FUCA2: variants seen among roughly 807,000 people sequenced by gnomAD.
The protein encoded by FUCA2 is alpha-L-fucosidase 2, also known as plasma alpha-L-fucosidase.
A neutral mutation model predicts 52.6 loss-of-function variants in FUCA2; 41 were observed. The ratio of observed to expected loss-of-function variants is 0.78; its 90% CI spans 0.61 to 1.01. The LOEUF (loss-of-function observed/expected upper bound fraction) is 1.01. Among genes scored for constraint, FUCA2 ranks in the 50% least tolerant of loss-of-function variants. The pLI is 0.00. For missense variants in FUCA2, 507 were observed against 569.5 expected, an observed-to-expected ratio of 0.89 and a Z score of 1.12; for synonymous variants, 211 against 217.3, an observed-to-expected ratio of 0.97 and a Z score of 0.26.
rs550355408 is a variant in FUCA2, at chr6:143,500,516, C to T, written c.1154+1416G>A. ...TGCCATTAACTGAGATGGAGAAGACCGTGGGTGGAGCTAGTCTACAGCAAA... is the reference window on the plus strand; with the variant it reads ...TGCCATTAACTGAGATGGAGAAGACTGTGGGTGGAGCTAGTCTACAGCAAA... On this transcript the variant is annotated intron_variant, in intron 5 of 6. Transcript: ENST00000002165. The surrounding 1 kb of genome is among the most constrained non-coding windows in gnomAD (Gnocchi z 6.9). Among the ~76,000 whole-genome samples, 5 of 152,178 alleles carry T rather than the reference C, an allele frequency of 3.3e-5. No homozygotes were observed. Among genetic ancestry groups the T allele is most frequent in the South Asian group, 2.1e-4 (1 of 4,816 alleles).
chr6:143,495,794 A>T lies in FUCA2; in HGVS notation c.1317T>A (p.Asn439Lys), dbSNP rs899761799. ...QPLNWISLEQ[N>K]GIMVELPQLT... ...GCTGTGGCAGTTCTACCATAATGCC[A>T]TTTTGCTCCAAAGAAATCCAGTTAA... is the stretch of plus-strand genomic sequence containing the variant. The change falls in exon 7 of 7, where the codon AAT becomes AAA. Residue 439 changes from asparagine (N) to lysine (K), a missense_variant. Asn to Lys is a moderately conservative substitution (Grantham distance 94, BLOSUM62 0). Coordinates refer to ENST00000002165, the MANE Select transcript of FUCA2 (RefSeq NM_032020.5). The surrounding 1 kb of genome is among the most constrained non-coding windows in gnomAD (Gnocchi z 5.2). 1 of 1,614,120 alleles carries T rather than the reference A, an allele frequency of 6.2e-7. No individual in the cohort carries two copies. Among genetic ancestry groups the T allele is most frequent in the Admixed American group, 1.7e-5 (1 of 60,018 alleles).
At position 143,502,613 on chromosome 6, in the gene FUCA2, A is replaced by T; in HGVS notation, c.753-48T>A. 2 of 1,457,914 alleles carry T rather than the reference A, an allele frequency of 1.4e-6. No homozygotes were observed. The highest frequency in any genetic ancestry group is 1.9e-6 in the Non-Finnish European group (2 of 1,055,864). The allele number at this position is 1,457,914 out of a possible 1,614,324, so 90.3% of individuals were successfully genotyped here. ...TTAAAACAAAAGGTATAAGCTTTTT[A>T]TACAAAAAGAAATGTCACTGAAAAG... On this transcript the variant is annotated intron_variant, in intron 3 of 6. Coordinates refer to ENST00000002165, the MANE Select transcript of FUCA2 (RefSeq NM_032020.5). The surrounding 1 kb of genome is among the most constrained non-coding windows in gnomAD (Gnocchi z 4.1).
In FUCA2 at chr6:143,497,831, C is replaced by A. The variant is rs1175403932; in HGVS notation, c.1155-334G>T. 1.3e-5 allele frequency among the ~76,000 whole-genome samples: 2 copies of A among 152,136 alleles called. No individual in the cohort carries two copies. The highest frequency in any genetic ancestry group is 2.4e-5 in the African/African-American group (1 of 41,448). ...CATGTATTATTCAAATTTTTATATT[C>A]ATTCATTCATTCAACAAGACAAGAT... On this transcript the variant is annotated intron_variant, in intron 5 of 6. Coordinates refer to ENST00000002165, the MANE Select transcript of FUCA2 (RefSeq NM_032020.5). This position sits in a 1 kb window ranked among gnomAD's most constrained non-coding sequence, Gnocchi z 5.3.
In FUCA2 at chr6:143,507,376, T is replaced by C; in HGVS notation, c.273A>G (p.Lys91=). The change falls in exon 2 of 7, where the codon AAA becomes AAG. Residue 91 remains lysine, a synonymous_variant. Transcript: ENST00000002165. The surrounding 1 kb of genome is among the most constrained non-coding windows in gnomAD (Gnocchi z 4.5). Reference sequence around the variant, plus strand: ...ATTTGAAACTAGGAGGGTAATTATCTTTCATAAATTCCACATACTTCGGTA... The same window carrying C: ...ATTTGAAACTAGGAGGGTAATTATCCTTCATAAATTCCACATACTTCGGTA... ...EKIPKYVEFM[K]DNYPPSFKYE... is the part of the protein sequence containing the mutation. The C allele has an allele frequency of 6.2e-7, 1 of 1,604,522 alleles. No homozygotes were observed. Among genetic ancestry groups the C allele is most frequent in the Admixed American group, 1.8e-5 (1 of 57,066 alleles).
chr6:143,505,175 G>A (rs1238013467), intron 2 of FUCA2: 1 of 151,990 alleles, frequency 6.6e-6, no homozygotes, highest in African/African-American at 2.4e-5. Flanking sequence ...AGTGCCTAGA[G>A]ACTTAAATAC....
At position 143,510,712 on chromosome 6, in the gene FUCA2, C is replaced by T. The variant is rs563713477; in HGVS notation, c.224+699G>A. Among the ~76,000 whole-genome samples, 1 of 151,296 alleles carries T rather than the reference C, an allele frequency of 6.6e-6. No individual in the cohort carries two copies. Among genetic ancestry groups the T allele is most frequent in the Non-Finnish European group, 1.5e-5 (1 of 67,968 alleles). On this transcript the variant is annotated intron_variant, in intron 1 of 6. Transcript: ENST00000002165. The surrounding 1 kb of genome is among the most constrained non-coding windows in gnomAD (Gnocchi z 4.4). ...CACAAAATATTTCTGTTTTGAAGGACTTAATACTTGTAGCATTTAGTCAGA... is the reference window on the plus strand; with the variant it reads ...CACAAAATATTTCTGTTTTGAAGGATTTAATACTTGTAGCATTTAGTCAGA...
chr6:143,503,290 G>C lies in FUCA2; in HGVS notation c.752+623C>G, dbSNP rs1317888145. 6.6e-6 allele frequency: 1 copy of C among 152,536 alleles called. No homozygotes were observed. The highest frequency in any genetic ancestry group is 1.5e-5 in the Non-Finnish European group (1 of 68,332). The allele number at this position is 152,536 out of a possible 1,614,324, so 9.4% of individuals were successfully genotyped here. On this transcript the variant is annotated intron_variant, in intron 3 of 6. Coordinates refer to ENST00000002165, the MANE Select transcript of FUCA2 (RefSeq NM_032020.5). The surrounding 1 kb of genome is among the most constrained non-coding windows in gnomAD (Gnocchi z 4.8). ...AGGAAGTGCAAGCAGAAGGTTGCCT[G>C]ACTTCGTAGCACAATACCCAGTGCT...
At chr6:143,498,157 A>G (rs1780484937) in intron 5 of FUCA2, among the ~76,000 whole-genome samples, 2 of 140,624 alleles carry the variant, frequency 1.4e-5, no homozygotes, top group African/African-American at 2.9e-5. Context: ...AGGTAAGGGA[A>G]GTATGCTGTG....
chr6:143,502,235 C>G lies in FUCA2; in HGVS notation c.964-113G>C, dbSNP rs541253562. ...TATATATAGTCACTGCCTAGAAGAACAAACACAGGATAGAACAATGTCCTA... is the reference window on the plus strand; with the variant it reads ...TATATATAGTCACTGCCTAGAAGAAGAAACACAGGATAGAACAATGTCCTA... On this transcript the variant is annotated intron_variant, in intron 4 of 6. Coordinates refer to ENST00000002165, the MANE Select transcript of FUCA2 (RefSeq NM_032020.5). The surrounding 1 kb of genome is among the most constrained non-coding windows in gnomAD (Gnocchi z 4.1). 7.5e-7 allele frequency: 1 copy of G among 1,338,816 alleles called. No homozygotes were observed. 82.9% of individuals were successfully genotyped at this position (1,338,816 alleles called of 1,614,324 possible).
chr6:143,495,992 TCTTC>T lies in FUCA2; in HGVS notation c.1264-149_1264-146del. The stretch of plus-strand genomic sequence containing the variant: ...CCTTTATTTAGTGATTCACAATCAC[TCTTC>T]ATCCAATTGAGTGTATGTATCTTGC... On this transcript the variant is annotated intron_variant, in intron 6 of 6. Coordinates refer to ENST00000002165, the MANE Select transcript of FUCA2 (RefSeq NM_032020.5). This position sits in a 1 kb window ranked among gnomAD's most constrained non-coding sequence, Gnocchi z 5.2. 2.7e-6 allele frequency: 2 copies of T among 748,602 alleles called. No homozygotes were observed. The highest frequency in any genetic ancestry group is 4.3e-6 in the Non-Finnish European group (2 of 463,296). 46.4% of individuals were successfully genotyped at this position (748,602 alleles called of 1,614,324 possible).
At chr6:143,508,634 C>T (rs1780643308) in intron 1 of FUCA2, among the ~76,000 whole-genome samples, 1 of 152,220 alleles carries the variant, frequency 6.6e-6, no homozygotes, top group African/African-American at 2.4e-5. Context: ...AATGGTTTCC[C>T]TCCTAATGAA....
chr6:143,496,716 A>G (rs1419748714), intron 6 of FUCA2: 1 of 152,250 alleles, frequency 6.6e-6, no homozygotes, highest in Non-Finnish European at 1.5e-5. Context: ...AACATAAAAT[A>G]GTAGAGTCAT....
chr6:143,507,378 T>C lies in FUCA2; in HGVS notation c.271A>G (p.Lys91Glu). ...TTGAAACTAGGAGGGTAATTATCTT[T>C]CATAAATTCCACATACTTCGGTATC... ...EKIPKYVEFMKDNYPPSFKYE... is the reference protein window; with the variant it reads ...EKIPKYVEFMEDNYPPSFKYE... The change falls in exon 2 of 7, where the codon AAA becomes GAA. Residue 91 changes from lysine to glutamate, a missense_variant. Lys to Glu is a moderately conservative substitution (Grantham distance 56). Transcript: ENST00000002165. This position sits in a 1 kb window ranked among gnomAD's most constrained non-coding sequence, Gnocchi z 4.5. The C allele has an allele frequency of 6.2e-7, 1 of 1,604,182 alleles. No homozygotes were observed. Among genetic ancestry groups the C allele is most frequent in the Admixed American group, 1.8e-5 (1 of 56,980 alleles).
At chr6:143,498,503 C>T (rs1051140748) in intron 5 of FUCA2, among the ~76,000 whole-genome samples, 7 of 152,058 alleles carry the variant, frequency 4.6e-5, no homozygotes, top group East Asian at 1.9e-4. Flanking sequence ...AAGAGCACCA[C>T]GGGAGCGTCT....
rs1466821188 is a variant in FUCA2, at chr6:143,507,116, AG to A, written c.412+120del. 2 of 833,032 alleles carry A rather than the reference AG, an allele frequency of 2.4e-6. No homozygotes were observed. Among genetic ancestry groups the A allele is most frequent in the African/African-American group, 3.5e-5 (2 of 56,566 alleles). The allele number at this position is 833,032 out of a possible 1,614,324, so 51.6% of individuals were successfully genotyped here. The stretch of plus-strand genomic sequence containing the variant: ...AGTCCCTAAGTCATAAGCAAGTGCC[AG>A]TCACCACTTATGGTTGCTCCGAAGA... On this transcript the variant is annotated intron_variant, in intron 2 of 6. Transcript: ENST00000002165. The surrounding 1 kb of genome is among the most constrained non-coding windows in gnomAD (Gnocchi z 4.5).
chr6:143,502,451 A>C lies in FUCA2; in HGVS notation c.867T>G (p.His289Gln). ...DRYNPGHLLPHKWENCMTIDK... is the reference protein window; with the variant it reads ...DRYNPGHLLPQKWENCMTIDK... ...CTATTGTCATGCAGTTTTCCCATTTATGTGGCAAAAGATGTCCTGGGTTAT... is the reference window on the plus strand; with the variant it reads ...CTATTGTCATGCAGTTTTCCCATTTCTGTGGCAAAAGATGTCCTGGGTTAT... The change falls in exon 4 of 7, where the codon CAT (histidine) becomes CAG (glutamine). Residue 289 changes from histidine (H) to glutamine (Q), a missense_variant. Physicochemically the swap from His to Gln is conservative, Grantham distance 24 (BLOSUM62 0). Coordinates refer to ENST00000002165, the MANE Select transcript of FUCA2 (RefSeq NM_032020.5). The surrounding 1 kb of genome is among the most constrained non-coding windows in gnomAD (Gnocchi z 4.1). 1 of 1,614,110 alleles carries C rather than the reference A, an allele frequency of 6.2e-7. No homozygotes were observed. Among genetic ancestry groups the C allele is most frequent in the Non-Finnish European group, 8.5e-7 (1 of 1,179,972 alleles).
intron 6 of FUCA2, chr6:143,496,742 G>C (rs1365630706): frequency 6.6e-6 from 1 of 152,138 alleles, no homozygotes; most frequent in African/African-American, 2.4e-5. Context: ...CTTGTATTCA[G>C]ATATGTTCTG....
chr6:143,499,758 G>C lies in FUCA2; in HGVS notation c.1154+2174C>G, dbSNP rs1026446261. Among the ~76,000 whole-genome samples the C allele has an allele frequency of 3.3e-5, 5 of 152,122 alleles. No individual in the cohort carries two copies. The highest frequency in any genetic ancestry group is 1.2e-4 in the African/African-American group (5 of 41,408). ...AACTGGCAAGGCAGATGTTATTGTG[G>C]GCCTTGAGAAGAGCAATTCTGGAGT... On this transcript the variant is annotated intron_variant, in intron 5 of 6. Coordinates refer to ENST00000002165, the MANE Select transcript of FUCA2 (RefSeq NM_032020.5). This position sits in a 1 kb window ranked among gnomAD's most constrained non-coding sequence, Gnocchi z 6.0.
rs758575362 is a variant in FUCA2, at chr6:143,502,332, A to G, written c.963+23T>C. On this transcript the variant is annotated intron_variant, in intron 4 of 6. Transcript: ENST00000002165. This position sits in a 1 kb window ranked among gnomAD's most constrained non-coding sequence, Gnocchi z 4.1. ...ACACTATTAAGAATATTATGTTAAT[A>G]GCCACCAGACATTTCACTGTACCTT... The G allele has an allele frequency of 6.2e-7, 1 of 1,603,566 alleles. No homozygotes were observed. The highest frequency in any genetic ancestry group is 8.5e-7 in the Non-Finnish European group (1 of 1,172,270).
Sources: allele counts gnomAD v4.1 joint callset (sites outside exome capture counted in the v4.1 genomes callset), GRCh38; gene constraint gnomAD v4.1.1; non-coding constraint Gnocchi (gnomAD v3.1); transcripts MANE v1.5; gene names NCBI Gene and HGNC (gene_info 2026-07-23, HGNC 2026-07-21).